The following NSG2 variants were observed in gnomAD, a reference collection of about 807,000 sequenced individuals.
NSG2 encodes neuronal vesicle trafficking-associated protein 2.
NSG2 carries 4 observed loss-of-function variants against 16.9 expected under a neutral mutation model. The observed-to-expected ratio is 0.24, with a 90% CI of 0.12 to 0.54. NSG2 has a LOEUF of 0.54. Among genes scored for constraint, NSG2 ranks in the 20% least tolerant of loss-of-function variants. The pLI is 0.95. For synonymous variants in NSG2, 98 were observed against 88.7 expected (o/e 1.11, Z -0.59); for missense variants, 179 against 221.1 (o/e 0.81, Z 1.21).
chr5:174,078,810 C>T (rs1337494983), intron 3 of NSG2, among the ~76,000 whole-genome samples: 1 of 152,170 alleles, frequency 6.6e-6, no homozygotes, highest in East Asian at 1.9e-4. Flanking sequence ...TGGGCCCATC[C>T]CAGATACCAA....
In NSG2 at chr5:174,107,774, A is replaced by G. The variant is rs963696148; in HGVS notation, c.*269A>G. 2 of 643,224 alleles carry G rather than the reference A, an allele frequency of 3.1e-6. No homozygotes were observed. Among genetic ancestry groups the G allele is most frequent in the Admixed American group, 2.1e-5 (1 of 47,818 alleles). The allele number at this position is 643,224 out of a possible 1,614,324, so 39.8% of individuals were successfully genotyped here. A position where few individuals can be genotyped will look rare whatever the true frequency, so the allele number is the denominator to read the frequency against. On this transcript the variant is annotated 3_prime_UTR_variant, in exon 5 of 5. Coordinates refer to ENST00000303177, the MANE Select transcript of NSG2 (RefSeq NM_015980.5). The surrounding 1 kb of genome is among the most constrained non-coding windows in gnomAD (Gnocchi z 4.5). ...TTCGTGTTGATTGTTCCCATGTAAG[A>G]TATTTTTAAAGCCACTGCTTATTCT...
intron 2 of NSG2, among the ~76,000 whole-genome samples, chr5:174,047,752 TG>T (rs925921408): frequency 1.3e-5 from 2 of 152,226 alleles, no homozygotes; most frequent in Admixed American, 6.5e-5. Flanking sequence ...AAAGGTGGGA[TG>T]GGGGTTATGG....
intron 2 of NSG2, among the ~76,000 whole-genome samples, chr5:174,049,789 A>G (rs1759860532): frequency 6.6e-6 from 1 of 152,176 alleles, no homozygotes; most frequent in South Asian, 2.1e-4. Context: ...TTGTATTATC[A>G]GTTTTCTGTG....
chr5:174,099,798 C>A (rs73806560), intron 3 of NSG2, among the ~76,000 whole-genome samples: 4,338 of 152,158 alleles, frequency 0.029, 61 homozygotes, highest in Non-Finnish European at 0.035. Context: ...ATGTCACATC[C>A]CCCAGGAGGA....
At position 174,096,291 on chromosome 5, in the gene NSG2, C is replaced by T. The variant is rs368935149; in HGVS notation, c.214-7937C>T. ...GAAGAGCTGTGATCAGACAGCGTAG[C>T]GGCTCAACATTGCCTGAGGACTTCT... On this transcript the variant is annotated intron_variant, in intron 3 of 4. Coordinates refer to ENST00000303177, the MANE Select transcript of NSG2 (RefSeq NM_015980.5). 2.4e-4 allele frequency among the ~76,000 whole-genome samples: 37 copies of T among 152,266 alleles called. No individual in the cohort carries two copies. In the East Asian group the frequency reaches 6.6e-3, roughly 27 times the overall value.
Position 174,107,657 on chromosome 5 carries a change from GGT to G in NSG2, c.*158_*159del. On this transcript the variant is annotated 3_prime_UTR_variant, in exon 5 of 5. Transcript: ENST00000303177. This position sits in a 1 kb window ranked among gnomAD's most constrained non-coding sequence, Gnocchi z 4.5. The stretch of plus-strand genomic sequence containing the variant: ...GGGGGGAAGAACGCACCAAAAACGT[GGT>G]GTGTGCTGGAGTTGTCTGAACCGAT... The G allele has an allele frequency of 1.3e-6, 1 of 781,206 alleles. No homozygotes were observed. Among genetic ancestry groups the G allele is most frequent in the East Asian group, 2.7e-5 (1 of 37,654 alleles). 48.4% of individuals were successfully genotyped at this position (781,206 alleles called of 1,614,324 possible).
intron 3 of NSG2, among the ~76,000 whole-genome samples, chr5:174,073,754 T>G (rs574754190): frequency 2.1e-4 from 32 of 152,344 alleles, no homozygotes; most frequent in African/African-American, 7.5e-4. Context: ...GACGGGGTGA[T>G]TCAATGACCA....
At chr5:174,096,444 A>C (rs146216201) in intron 3 of NSG2, among the ~76,000 whole-genome samples, 183 of 152,200 alleles carry the variant, frequency 1.2e-3, no homozygotes, top group African/African-American at 4.3e-3. Context: ...GGGTGGGGAA[A>C]ACTGGGGTAC....
At chr5:174,083,443 C>T (rs773674496) in intron 3 of NSG2, among the ~76,000 whole-genome samples, 11 of 152,138 alleles carry the variant, frequency 7.2e-5, no homozygotes, top group East Asian at 3.9e-4. Flanking sequence ...GATGGAACAG[C>T]GTAACTTTCC....
chr5:174,084,052 C>T (rs955100228), intron 3 of NSG2: 1 of 152,186 alleles, frequency 6.6e-6, no homozygotes, highest in Non-Finnish European at 1.5e-5. Flanking sequence ...AAACCTTGAG[C>T]TATATGTCTT....
intron 2 of NSG2, chr5:174,056,369 T>A (rs548716341): frequency 3.3e-5 from 5 of 152,218 alleles, no homozygotes; most frequent in Non-Finnish European, 5.9e-5. Flanking sequence ...GTGGGTACCT[T>A]TACAAAAAAC....
intron 2 of NSG2, among the ~76,000 whole-genome samples, chr5:174,049,663 A>T (rs1464964750): frequency 6.6e-6 from 1 of 152,112 alleles, no homozygotes; most frequent in Non-Finnish European, 1.5e-5. Context: ...CCTCAGCAGG[A>T]ATGAGGAGTG....
At chr5:174,102,307 C>G (rs1002778497) in intron 3 of NSG2, among the ~76,000 whole-genome samples, 4 of 152,212 alleles carry the variant, frequency 2.6e-5, no homozygotes, top group Admixed American at 2.0e-4. Flanking sequence ...CTCCTGTCTC[C>G]TCCTTTCCTT....
intron 2 of NSG2, among the ~76,000 whole-genome samples, chr5:174,060,381 T>G (rs1760031316): frequency 6.6e-6 from 1 of 152,258 alleles, no homozygotes; most frequent in African/African-American, 2.4e-5. Context: ...ATATTTTTTT[T>G]TTTTAAATTT....
chr5:174,066,022 T>C (rs1235319887), intron 3 of NSG2, among the ~76,000 whole-genome samples: 1 of 152,202 alleles, frequency 6.6e-6, no homozygotes, highest in Non-Finnish European at 1.5e-5. Flanking sequence ...GGGAGAAACA[T>C]GTGGGTTTGT....
intron 2 of NSG2, 36 bp downstream of exon 2, chr5:174,046,920 G>T (rs544540220): frequency 6.2e-7 from 1 of 1,605,002 alleles, no homozygotes; most frequent in African/African-American, 1.3e-5. Context: ...CAGCCCCCAG[G>T]CTCCCCCCAT....
chr5:174,105,238 G>A (rs1760957425), intron 4 of NSG2, among the ~76,000 whole-genome samples: 1 of 152,156 alleles, frequency 6.6e-6, no homozygotes, highest in Non-Finnish European at 1.5e-5. Context: ...TTGATGTGGG[G>A]AGATCAAATA....
At chr5:174,102,358 TC>T (rs1365264862) in intron 3 of NSG2, among the ~76,000 whole-genome samples, 1 of 152,168 alleles carries the variant, frequency 6.6e-6, no homozygotes, top group Non-Finnish European at 1.5e-5. Context: ...GCATGGGCAC[TC>T]CCAAAGTTAA....
chr5:174,072,243 A>G lies in NSG2; in HGVS notation c.213+7928A>G, dbSNP rs545329563. Reference sequence around the variant, plus strand: ...CCCCAGTCCTTTCTCCTCCCCTTCTAGAGCACATGCCCCACAGTGGCATTT... The same window carrying G: ...CCCCAGTCCTTTCTCCTCCCCTTCTGGAGCACATGCCCCACAGTGGCATTT... On this transcript the variant is annotated intron_variant, in intron 3 of 4. Coordinates refer to ENST00000303177, the MANE Select transcript of NSG2 (RefSeq NM_015980.5). The surrounding 1 kb of genome is among the most constrained non-coding windows in gnomAD (Gnocchi z 4.0). 2.6e-5 allele frequency among the ~76,000 whole-genome samples: 4 copies of G among 152,164 alleles called. No individual in the cohort carries two copies. The South Asian group carries it at 8.3e-4, about 32-fold the overall frequency.
Sources: gnomAD v4.1 joint callset for allele counts (sites outside exome capture counted in the v4.1 genomes callset) on GRCh38, gnomAD v4.1.1 for gene constraint, Gnocchi (gnomAD v3.1) non-coding constraint, MANE v1.5 for transcripts, NCBI Gene and HGNC (gene_info 2026-07-23, HGNC 2026-07-21) for gene names.